Variants in STX8 observed in about 807,000 individuals in gnomAD.
STX8 encodes syntaxin-8.
STX8 carries 23 observed loss-of-function variants against 37.5 expected under a neutral mutation model. That is an observed-to-expected ratio of 0.61 (90% CI 0.44 to 0.87). The LOEUF (loss-of-function observed/expected upper bound fraction) is 0.87, where lower values mean the gene tolerates loss of function less well. Among genes scored for constraint, STX8 ranks in the 40% least tolerant of loss-of-function variants. STX8 has a pLI of 0.00. For synonymous variants in STX8, 115 were observed against 99.1 expected (o/e 1.16, Z -0.95); for missense variants, 313 against 284.7 (o/e 1.10, Z -0.71).
In STX8 at chr17:9,320,074, C is replaced by G. The variant is rs375660825; in HGVS notation, c.643+58478G>C. Among the ~76,000 whole-genome samples the G allele has an allele frequency of 1.5e-3, 223 of 151,798 alleles. 1 individual carries two copies. Among genetic ancestry groups the G allele is most frequent in the African/African-American group, 4.9e-3 (202 of 41,448 alleles). On this transcript the variant is annotated intron_variant, in intron 7 of 7. Transcript: ENST00000306357. ...CTGGCCAGGTGCTGTGTGGCTCACACCTGTAATTCCAGCACTTTGGAAGGC... is the reference window on the plus strand; with the variant it reads ...CTGGCCAGGTGCTGTGTGGCTCACAGCTGTAATTCCAGCACTTTGGAAGGC...
chr17:9,416,493 C>T (rs1165820789), intron 6 of STX8, among the ~76,000 whole-genome samples: 3 of 152,102 alleles, frequency 2.0e-5, no homozygotes, highest in African/African-American at 7.2e-5. Flanking sequence ...CTCGGCCTCC[C>T]GAGTAGCTGG....
At chr17:9,298,595 T>A (rs1908651063) in intron 7 of STX8, among the ~76,000 whole-genome samples, 1 of 152,148 alleles carries the variant, frequency 6.6e-6, no homozygotes, top group Admixed American at 6.5e-5. Context: ...GTAGATCACC[T>A]GAGGTCAGGA....
intron 6 of STX8, among the ~76,000 whole-genome samples, chr17:9,455,345 A>C (rs1004345832): frequency 1.3e-5 from 2 of 151,886 alleles, no homozygotes; most frequent in African/African-American, 2.4e-5. Context: ...TAAAAATACA[A>C]AAAAATTAGC....
At chr17:9,512,524 G>A (rs758129762) in intron 4 of STX8, among the ~76,000 whole-genome samples, 6 of 151,786 alleles carry the variant, frequency 4.0e-5, no homozygotes, top group African/African-American at 7.3e-5. Context: ...GTGCAGTGAT[G>A]CAATCTTGAG....
chr17:9,471,441 G>A (rs1168547468), intron 6 of STX8, among the ~76,000 whole-genome samples: 5 of 151,928 alleles, frequency 3.3e-5, no homozygotes, highest in African/African-American at 4.8e-5. Flanking sequence ...ATGAGCCACC[G>A]CGCCCGGCCC....
intron 7 of STX8, 90 bp from the exon 8 acceptor site, chr17:9,250,735 T>A: frequency 2.4e-5 from 31 of 1,295,654 alleles, no homozygotes; most frequent in Non-Finnish European, 3.0e-5. Flanking sequence ...CTCAGAGGGA[T>A]GTAGTTCCCT....
chr17:9,559,546 A>G (rs569569976), intron 2 of STX8, among the ~76,000 whole-genome samples: 1 of 151,324 alleles, frequency 6.6e-6, no homozygotes, highest in African/African-American at 2.4e-5. Context: ...AAGAAAAACT[A>G]AGAATAGAAC....
chr17:9,530,174 A>G (rs1212569956), intron 4 of STX8, among the ~76,000 whole-genome samples: 1 of 151,978 alleles, frequency 6.6e-6, no homozygotes, highest in Non-Finnish European at 1.5e-5. Flanking sequence ...AGCCAGGTGC[A>G]GTGACGGGCG....
At chr17:9,315,276 T>TA (rs1567780519) in intron 7 of STX8, among the ~76,000 whole-genome samples, 2 of 148,412 alleles carry the variant, frequency 1.3e-5, no homozygotes, top group Admixed American at 6.7e-5. Context: ...TCCTAAGAGT[T>TA]AAAAAAACAA....
intron 4 of STX8, among the ~76,000 whole-genome samples, chr17:9,544,386 T>C (rs748547843): frequency 6.6e-6 from 1 of 152,030 alleles, no homozygotes; most frequent in African/African-American, 2.4e-5. Context: ...AGAGCAGCTG[T>C]CAGCTCTTTG....
At chr17:9,517,820 G>GGC (rs1905199500) in intron 4 of STX8, among the ~76,000 whole-genome samples, 1 of 140,200 alleles carries the variant, frequency 7.1e-6, no homozygotes, top group Admixed American at 7.1e-5. Flanking sequence ...AAGGCAAAGA[G>GGC]ACTTAAGGCA....
At chr17:9,396,474 G>A (rs1912406921) in intron 6 of STX8, among the ~76,000 whole-genome samples, 1 of 151,562 alleles carries the variant, frequency 6.6e-6, no homozygotes, top group African/African-American at 2.4e-5. Context: ...TCTGAGGTCA[G>A]CTGAGGTGGG....
chr17:9,513,313 C>CAAAAAAAAAAAAA (rs35228175), intron 4 of STX8, among the ~76,000 whole-genome samples: 7 of 78,034 alleles, frequency 9.0e-5, no homozygotes, highest in East Asian at 3.5e-4. Flanking sequence ...ACTCTATTTC[C>CAAAAAAAAAAAAA]AAAAAAAAAA....
intron 5 of STX8, among the ~76,000 whole-genome samples, chr17:9,504,057 C>T (rs1347099897): frequency 6.6e-6 from 1 of 151,884 alleles, no homozygotes; most frequent in Non-Finnish European, 1.5e-5. Flanking sequence ...AGCCACCACA[C>T]CCAGCCGACA....
intron 6 of STX8, among the ~76,000 whole-genome samples, chr17:9,490,458 G>A (rs540350157): frequency 2.6e-5 from 4 of 152,130 alleles, no homozygotes; most frequent in South Asian, 2.1e-4. Flanking sequence ...CACAACCTCC[G>A]CCTCCTGGGT....
chr17:9,368,145 C>A (rs917731760), intron 7 of STX8, among the ~76,000 whole-genome samples: 4 of 151,970 alleles, frequency 2.6e-5, no homozygotes, highest in Non-Finnish European at 5.9e-5. Flanking sequence ...CCTAAAAATT[C>A]TACTTAACTT....
chr17:9,444,913 A>G (rs1904786092), intron 6 of STX8, among the ~76,000 whole-genome samples: 4 of 152,192 alleles, frequency 2.6e-5, no homozygotes, highest in South Asian at 2.1e-4. Flanking sequence ...GCTCATTTGT[A>G]GAAGCAAACA....
chr17:9,337,836 T>C (rs1046214956), intron 7 of STX8, among the ~76,000 whole-genome samples: 1 of 151,820 alleles, frequency 6.6e-6, no homozygotes, highest in Non-Finnish European at 1.5e-5. Context: ...GCCACCAAAA[T>C]AAAGGAAAGC....
chr17:9,264,136 G>A (rs1037324172), intron 7 of STX8, among the ~76,000 whole-genome samples: 1 of 152,236 alleles, frequency 6.6e-6, no homozygotes, highest in African/African-American at 2.4e-5. Context: ...ACAGAGAAAA[G>A]AGATGCCCAG....
Sources: gnomAD v4.1 joint callset for allele counts (sites outside exome capture counted in the v4.1 genomes callset) on GRCh38, gnomAD v4.1.1 for gene constraint, MANE v1.5 for transcripts, NCBI Gene and HGNC (gene_info 2026-07-23, HGNC 2026-07-21) for gene names.